Variants in SNRNP200 observed in about 807,000 individuals in gnomAD.
The protein encoded by SNRNP200 is small nuclear ribonucleoprotein U5 subunit 200, also known as U5 small nuclear ribonucleoprotein 200 kDa helicase.
In SNRNP200, 66 loss-of-function variants were observed where a neutral mutation model predicts 255.2. The ratio of observed to expected loss-of-function variants is 0.26; its 90% CI spans 0.21 to 0.32. The LOEUF is 0.32. Among genes scored for constraint, SNRNP200 ranks in the 10% least tolerant of loss-of-function variants. The probability of loss-of-function intolerance (pLI) is 1.00; values close to 1 mark genes in which losing one functional copy is unlikely to be tolerated. For synonymous variants in SNRNP200, 939 were observed against 1,027.8 expected (o/e 0.91, Z 1.65); for missense variants, 1,585 against 2,749.8 (o/e 0.58, Z 9.47).
rs781260118 is a variant in SNRNP200 at position 96,283,733 on chromosome 2, A to C, written c.4585-20T>G. ...GAAGCCCTGGCGACCGGGGAGAAGA[A>C]AAGACACCAAGGTTATCAGACCTGG... On this transcript the variant is annotated intron_variant, in intron 32 of 44. Coordinates refer to ENST00000323853, the MANE Select transcript of SNRNP200 (RefSeq NM_014014.5). The surrounding 1 kb of genome is among the most constrained non-coding windows in gnomAD (Gnocchi z 4.7). The C allele has an allele frequency of 1.9e-6, 3 of 1,613,902 alleles. No individual in the cohort carries two copies. The highest frequency in any genetic ancestry group is 2.5e-6 in the Non-Finnish European group (3 of 1,180,022).
At chr2:96,279,689 C>G (rs1684727300) in intron 35 of SNRNP200, 130 bp from the exon 36 acceptor site, 1 of 688,290 alleles carries the variant, frequency 1.5e-6, no homozygotes, top group Non-Finnish European at 2.7e-6. Context: ...CACGGGACGA[C>G]TCTGTTTATG....
Position 96,297,491 on chromosome 2 carries a change from T to C in SNRNP200, c.1249A>G (p.Thr417Ala), listed in dbSNP as rs1573999261. Reference protein sequence around the residue: ...QVLDLEDLVFTQGSHFMANKR... With the variant: ...QVLDLEDLVFAQGSHFMANKR... ...TTGGCCATAAAGTGGCTCCCTTGGG[T>C]AAAAACCAGGTCCTCCAAGTCCAGA... Residue 417 changes from threonine to alanine, a missense_variant, in exon 11 of 45, where the codon ACC (threonine) becomes GCC (alanine). By Grantham distance (58) the Thr-to-Ala change is moderately conservative. Around this residue, in one of 9 missense-constraint regions of SNRNP200, gnomAD observed 383 missense variants for 645.3 expected, o/e 0.59. Transcript: ENST00000323853. 1 of 1,613,788 alleles carries C rather than the reference T, an allele frequency of 6.2e-7. No individual in the cohort carries two copies. The highest frequency in any genetic ancestry group is 1.1e-5 in the South Asian group (1 of 91,064).
Position 96,287,790 on chromosome 2 carries a change from G to C in SNRNP200, c.3365+73C>G. ...GGTCTGGAGATCAGATGCACCCTGA[G>C]GCTTTCCCATCAGACCCTTGGGTTG... On this transcript the variant is annotated intron_variant, in intron 25 of 44. Transcript: ENST00000323853. This position sits in a 1 kb window ranked among gnomAD's most constrained non-coding sequence, Gnocchi z 5.7. 7.7e-7 allele frequency: 1 copy of C among 1,291,258 alleles called. No homozygotes were observed. Among genetic ancestry groups the C allele is most frequent in the Non-Finnish European group, 1.1e-6 (1 of 885,488 alleles). The allele number at this position is 1,291,258 out of a possible 1,614,324, so 80.0% of individuals were successfully genotyped here.
Position 96,286,772 on chromosome 2 carries a change from C to G in SNRNP200, c.3745G>C (p.Glu1249Gln). The G allele has an allele frequency of 1.2e-6, 2 of 1,614,170 alleles. No homozygotes were observed. The highest frequency in any genetic ancestry group is 1.7e-6 in the Non-Finnish European group (2 of 1,180,034). Residue 1249 changes from glutamate (E) to glutamine (Q), a missense_variant, in exon 28 of 45, where the codon GAG (glutamate) becomes CAG (glutamine). Glu to Gln is a conservative substitution (Grantham distance 29). Around this residue, in one of 9 missense-constraint regions of SNRNP200, gnomAD observed 719 missense variants for 1,091.1 expected, o/e 0.66. Coordinates refer to ENST00000323853, the MANE Select transcript of SNRNP200 (RefSeq NM_014014.5). This position sits in a 1 kb window ranked among gnomAD's most constrained non-coding sequence, Gnocchi z 4.8. ...GGCACGAAGAATGTAATGAGGTGCTCGTCCTGGGCGTACTTGGCCTTGAGG... is the reference window on the plus strand; with the variant it reads ...GGCACGAAGAATGTAATGAGGTGCTGGTCCTGGGCGTACTTGGCCTTGAGG... Reference protein sequence around the residue: ...FLLKAKYAQDEHLITFFVPVF... With the variant: ...FLLKAKYAQDQHLITFFVPVF...
Position 96,298,347 on chromosome 2 carries a change from A to G in SNRNP200, c.1056T>C (p.Ala352=). Residue 352 remains alanine (A), a synonymous_variant, in exon 9 of 45, where the codon GCT becomes GCC. Transcript: ENST00000323853. ...EKERIMGKME[A]DPELSKFLYQ... ...AGAGGAACTTGGATAGCTCTGGGTC[A>G]GCTTCCATCTTTCCCATAATCCTTT... 1 of 1,614,238 alleles carries G rather than the reference A, an allele frequency of 6.2e-7. No homozygotes were observed. The highest frequency in any genetic ancestry group is 8.5e-7 in the Non-Finnish European group (1 of 1,180,052).
intron 5 of SNRNP200, 40 bp downstream of exon 5, chr2:96,300,958 C>T (rs367638968): frequency 2.4e-5 from 37 of 1,569,214 alleles, no homozygotes; most frequent in Admixed American, 3.3e-5. Flanking sequence ...CCTTAATCAA[C>T]GTCAAAAACA....
chr2:96,284,055 C>T (rs1353552258), intron 31 of SNRNP200, 51 bp from the exon 32 acceptor site: 2 of 1,521,694 alleles, frequency 1.3e-6, no homozygotes, highest in Non-Finnish European at 1.8e-6. Context: ...CTCCCATCCT[C>T]TGCCTGGAGG....
chr2:96,291,620 A>C lies in SNRNP200; in HGVS notation c.2311-118T>G, dbSNP rs963558683. 3.2e-6 allele frequency: 4 copies of C among 1,267,622 alleles called. No individual in the cohort carries two copies. In the African/African-American group the frequency reaches 5.9e-5, roughly 19 times the overall value. The allele number at this position is 1,267,622 out of a possible 1,614,324, so 78.5% of individuals were successfully genotyped here. On this transcript the variant is annotated intron_variant, in intron 17 of 44. Transcript: ENST00000323853. The surrounding 1 kb of genome is among the most constrained non-coding windows in gnomAD (Gnocchi z 4.2). ...ACTATTATGTGGAATAGTAATAATC[A>C]CATCCAGACAATCAACCTTAACCCA...
chr2:96,301,136 A>G, intron 4 of SNRNP200, 83 bp from the exon 5 acceptor site: 1 of 1,139,934 alleles, frequency 8.8e-7, no homozygotes, highest in Non-Finnish European at 1.3e-6. Flanking sequence ...CTCCCCGACT[A>G]CCTCTCCTCA....
chr2:96,282,298 G>A, intron 34 of SNRNP200: 1 of 225,972 alleles, frequency 4.4e-6, no homozygotes, highest in Non-Finnish European at 9.2e-6. Flanking sequence ...CCCCAAACAG[G>A]CAGATTCAAG....
At chr2:96,288,541 C>G (rs750005740) in intron 24 of SNRNP200, 122 bp downstream of exon 24, 2 of 837,436 alleles carry the variant, frequency 2.4e-6, no homozygotes, top group Admixed American at 1.9e-5. Context: ...CCGGCAAGAG[C>G]AGAACTAAGC....
chr2:96,281,961 T>C (rs1684768656), intron 34 of SNRNP200, 39 bp from the exon 35 acceptor site: 1 of 1,522,158 alleles, frequency 6.6e-7, no homozygotes, highest in Non-Finnish European at 9.1e-7. Flanking sequence ...AGGGCAGGGG[T>C]CTCCGGGTGA....
intron 24 of SNRNP200, among the ~76,000 whole-genome samples, 160 bp from the exon 25 acceptor site, chr2:96,288,129 T>C (rs961521893): frequency 2.6e-5 from 4 of 152,182 alleles, no homozygotes; most frequent in Admixed American, 6.5e-5. Flanking sequence ...CCGTTCCATA[T>C]AGTAGATGCT....
intron 31 of SNRNP200, 58 bp downstream of exon 31, chr2:96,284,300 T>C (rs2063827815): frequency 6.7e-7 from 1 of 1,484,190 alleles, no homozygotes; most frequent in East Asian, 2.3e-5. Flanking sequence ...TTAGGTCCAA[T>C]GCCAAGGCCA....
In SNRNP200 at chr2:96,305,471, G is replaced by C. The variant is rs1162684967; in HGVS notation, c.-34C>G. 1.1e-5 allele frequency: 17 copies of C among 1,613,260 alleles called. No individual in the cohort carries two copies. The highest frequency in any genetic ancestry group is 1.3e-5 in the Non-Finnish European group (15 of 1,179,988). ...CTGCTCGGAGGCTTCAGACCACCAC[G>C]CCTCCCTACCGCAAGCTGCAAACGG... On this transcript the variant is annotated 5_prime_UTR_variant, in exon 1 of 45. Coordinates refer to ENST00000323853, the MANE Select transcript of SNRNP200 (RefSeq NM_014014.5).
intron 21 of SNRNP200, 120 bp downstream of exon 21, chr2:96,289,679 G>C: frequency 2.1e-6 from 2 of 934,744 alleles, no homozygotes; most frequent in Non-Finnish European, 3.5e-6. Context: ...TTTTTCTGCT[G>C]TTCTAAGCAA....
chr2:96,290,603 G>C lies in SNRNP200; in HGVS notation c.2553+81C>G, dbSNP rs554905933. Reference sequence around the variant, plus strand: ...ATCTACATTACAGAACTAGACCTCTGATCTGCTAGCTTTCCAGCATCCCTG... The same window carrying C: ...ATCTACATTACAGAACTAGACCTCTCATCTGCTAGCTTTCCAGCATCCCTG... On this transcript the variant is annotated intron_variant, in intron 19 of 44. Transcript: ENST00000323853. This position sits in a 1 kb window ranked among gnomAD's most constrained non-coding sequence, Gnocchi z 4.5. The C allele has an allele frequency of 1.2e-6, 2 of 1,612,408 alleles. No individual in the cohort carries two copies. The highest frequency in any genetic ancestry group is 2.2e-5 in the South Asian group (2 of 91,008).
At chr2:96,295,736 T>C (rs756143808) in intron 13 of SNRNP200, 78 bp from the exon 14 acceptor site, 13 of 1,477,324 alleles carry the variant, frequency 8.8e-6, no homozygotes, top group Non-Finnish European at 1.1e-5. Context: ...GCAATTGGAG[T>C]GTAGGGCATT....
chr2:96,289,413 T>C (rs374651689), intron 21 of SNRNP200, 34 bp from the exon 22 acceptor site: 1 of 1,611,488 alleles, frequency 6.2e-7, no homozygotes, highest in Non-Finnish European at 8.5e-7. Context: ...CAGTGCTGAC[T>C]ATTAATGAGC....
Sources: gnomAD v4.1 joint callset for allele counts (sites outside exome capture counted in the v4.1 genomes callset) on GRCh38, gnomAD v4.1.1 for gene constraint, gnomAD v4.1.1 regional missense constraint, Gnocchi (gnomAD v3.1) non-coding constraint, MANE v1.5 for transcripts, NCBI Gene and HGNC (gene_info 2026-07-23, HGNC 2026-07-21) for gene names.